Variants in PTPRZ1 observed in about 807,000 individuals in gnomAD.
The protein encoded by PTPRZ1 is protein tyrosine phosphatase receptor type Z1.
A neutral mutation model predicts 214.1 loss-of-function variants in PTPRZ1; 82 were observed. The observed-to-expected ratio is 0.38, with a 90% CI of 0.32 to 0.46. The LOEUF is 0.46. Among genes scored for constraint, PTPRZ1 ranks in the 20% least tolerant of loss-of-function variants. The pLI is 1.00. For missense variants in PTPRZ1, 2,603 were observed against 2,748.7 expected, an observed-to-expected ratio of 0.95 and a Z score of 1.19; for synonymous variants, 945 against 987.9, an observed-to-expected ratio of 0.96 and a Z score of 0.81.
At chr7:121,941,106 C>G (rs983892148) in intron 2 of PTPRZ1, among the ~76,000 whole-genome samples, 2 of 152,248 alleles carry the variant, frequency 1.3e-5, no homozygotes, top group Admixed American at 1.3e-4. Context: ...GGTTGCATGT[C>G]TCACTCATCT....
intron 11 of PTPRZ1, among the ~76,000 whole-genome samples, chr7:122,004,942 T>G (rs1217947261): frequency 6.6e-6 from 1 of 152,016 alleles, no homozygotes; most frequent in Non-Finnish European, 1.5e-5. Flanking sequence ...ATTATAGCTA[T>G]GCACTACAGC....
At chr7:122,055,504 T>A (rs1299254658) in intron 27 of PTPRZ1, among the ~76,000 whole-genome samples, 1 of 151,886 alleles carries the variant, frequency 6.6e-6, no homozygotes, top group Non-Finnish European at 1.5e-5. Flanking sequence ...CTACCGAAAC[T>A]TACTATTCTC....
chr7:121,890,094 C>T (rs1241535112), intron 1 of PTPRZ1, among the ~76,000 whole-genome samples: 1 of 152,178 alleles, frequency 6.6e-6, no homozygotes, highest in African/African-American at 2.4e-5. Flanking sequence ...TATCTCATCC[C>T]TGTATTCTCT....
intron 2 of PTPRZ1, among the ~76,000 whole-genome samples, chr7:121,965,642 G>A (rs188460479): frequency 6.6e-6 from 1 of 152,150 alleles, no homozygotes; most frequent in Non-Finnish European, 1.5e-5. Context: ...AATCAAGGAA[G>A]CGACTCTCTC....
chr7:122,002,503 G>A (rs1798361439), intron 10 of PTPRZ1, among the ~76,000 whole-genome samples: 1 of 152,072 alleles, frequency 6.6e-6, no homozygotes, highest in Admixed American at 6.6e-5. Flanking sequence ...ACCCTGTATT[G>A]TAATTTACTA....
chr7:121,908,559 C>G (rs1795181197), intron 1 of PTPRZ1: 1 of 339,912 alleles, frequency 2.9e-6, no homozygotes, highest in Non-Finnish European at 5.6e-6. Context: ...CTTACAGGTC[C>G]TCTCCTCTAG....
chr7:122,018,292 C>CT (rs1798907292), intron 12 of PTPRZ1, among the ~76,000 whole-genome samples: 1 of 152,200 alleles, frequency 6.6e-6, no homozygotes, highest in Non-Finnish European at 1.5e-5. Flanking sequence ...CAAACACTCA[C>CT]TGTTCTGAAA....
intron 13 of PTPRZ1, among the ~76,000 whole-genome samples, chr7:122,021,974 T>C (rs1463914055): frequency 1.3e-5 from 2 of 152,224 alleles, no homozygotes; most frequent in Non-Finnish European, 2.9e-5. Flanking sequence ...TCAAGGTTTA[T>C]GTGAATTATT....
At chr7:122,041,828 T>G (rs1054863632) in intron 21 of PTPRZ1, among the ~76,000 whole-genome samples, 1 of 152,220 alleles carries the variant, frequency 6.6e-6, no homozygotes, top group South Asian at 2.1e-4. Flanking sequence ...GAGACCCATC[T>G]TGAGGCTTTT....
rs1444635917 is a variant in PTPRZ1, at chr7:122,011,468, G to A, written c.2422G>A (p.Glu808Lys). Residue 808 changes from glutamate (E) to lysine (K), a missense_variant, in exon 12 of 30, where the codon GAA becomes AAA. This residue lies in a region of PTPRZ1 where 1,913 missense variants were observed against 1,914.3 expected (regional missense o/e 1.00). Transcript: ENST00000393386. ...ATTTCCCAGTGTCGATGTGTCATTTGAATCCATCCTGTCTTCCTATGATGG... is the reference window on the plus strand; with the variant it reads ...ATTTCCCAGTGTCGATGTGTCATTTAAATCCATCCTGTCTTCCTATGATGG... ...PVFPSVDVSFESILSSYDGAP... is the reference protein window; with the variant it reads ...PVFPSVDVSFKSILSSYDGAP... 1 of 1,613,916 alleles carries A rather than the reference G, an allele frequency of 6.2e-7. No homozygotes were observed. Among genetic ancestry groups the A allele is most frequent in the African/African-American group, 1.3e-5 (1 of 74,900 alleles).
Position 121,997,864 on chromosome 7 carries a change from A to G in PTPRZ1, c.1114-16A>G, listed in dbSNP as rs780717043. 1.9e-6 allele frequency: 3 copies of G among 1,593,642 alleles called. No homozygotes were observed. The Admixed American group carries it at 5.2e-5, about 27-fold the overall frequency. ...TGAGAATAACATTTGTATAATTACT[A>G]ACATCTTTCTTTTAGGGTGCTATTC... On this transcript the variant is annotated splice_polypyrimidine_tract_variant and intron_variant, in intron 9 of 29. Coordinates refer to ENST00000393386, the MANE Select transcript of PTPRZ1 (RefSeq NM_002851.3).
chr7:121,885,580 C>T (rs970226996), intron 1 of PTPRZ1, among the ~76,000 whole-genome samples: 13 of 152,134 alleles, frequency 8.5e-5, no homozygotes, highest in Non-Finnish European at 4.4e-5. Context: ...TTTCTCCTAA[C>T]TTCTCATTAC....
At chr7:121,953,847 C>T (rs1015690234) in intron 2 of PTPRZ1, among the ~76,000 whole-genome samples, 2 of 152,088 alleles carry the variant, frequency 1.3e-5, no homozygotes, top group African/African-American at 2.4e-5. Context: ...CCATCTGAAC[C>T]TAATGCATCA....
intron 2 of PTPRZ1, among the ~76,000 whole-genome samples, chr7:121,954,754 G>A (rs1796655373): frequency 6.6e-6 from 1 of 152,124 alleles, no homozygotes; most frequent in Non-Finnish European, 1.5e-5. Flanking sequence ...TGATAAATTA[G>A]TAAACAAATG....
chr7:121,907,974 T>A (rs1005053339), intron 1 of PTPRZ1, among the ~76,000 whole-genome samples: 11 of 152,052 alleles, frequency 7.2e-5, no homozygotes, highest in African/African-American at 2.2e-4. Flanking sequence ...AAAATAATAA[T>A]CAAATTTAGA....
intron 1 of PTPRZ1, among the ~76,000 whole-genome samples, chr7:121,897,615 C>T (rs1255203633): frequency 6.6e-6 from 1 of 152,198 alleles, no homozygotes; most frequent in Admixed American, 6.5e-5. Flanking sequence ...CAAAATCCCT[C>T]CTTCTGCTAG....
chr7:121,975,069 C>A (rs1408844206), intron 4 of PTPRZ1, among the ~76,000 whole-genome samples: 2 of 152,036 alleles, frequency 1.3e-5, no homozygotes, highest in African/African-American at 4.8e-5. Context: ...CACCTGTTGT[C>A]CCAACTACTC....
intron 8 of PTPRZ1, among the ~76,000 whole-genome samples, chr7:121,991,462 A>G (rs1343350086): frequency 6.6e-6 from 1 of 152,266 alleles, no homozygotes; most frequent in African/African-American, 2.4e-5. Flanking sequence ...ACAGAGTAGC[A>G]TAAAGGGAGT....
intron 8 of PTPRZ1, among the ~76,000 whole-genome samples, 155 bp from the exon 9 acceptor site, chr7:121,996,227 A>C (rs537902790): frequency 3.9e-5 from 6 of 152,350 alleles, no homozygotes; most frequent in African/African-American, 1.4e-4. Flanking sequence ...TTTTAGATAT[A>C]GGAAATGGAA....
Sources: allele counts gnomAD v4.1 joint callset (sites outside exome capture counted in the v4.1 genomes callset), GRCh38; gene constraint gnomAD v4.1.1; regional missense constraint gnomAD v4.1.1; transcripts MANE v1.5; gene names NCBI Gene and HGNC (gene_info 2026-07-23, HGNC 2026-07-21).